ST7: variants seen among roughly 807,000 people sequenced by gnomAD.
The protein encoded by ST7 is suppressor of tumorigenicity 7 protein.
A neutral mutation model predicts 78.7 loss-of-function variants in ST7; 28 were observed. The observed-to-expected ratio is 0.36, with a 90% CI of 0.26 to 0.49. The LOEUF is 0.49. Ranked by LOEUF, ST7 falls within the 20% of genes least tolerant of loss-of-function variation. ST7 has a pLI of 0.99. For missense variants in ST7, 418 were observed against 696.0 expected, an observed-to-expected ratio of 0.60 and a Z score of 4.49; for synonymous variants, 247 against 249.6, an observed-to-expected ratio of 0.99 and a Z score of 0.10.
intron 1 of ST7, among the ~76,000 whole-genome samples, chr7:117,075,530 C>T (rs550706786): frequency 3.0e-4 from 46 of 152,340 alleles, no homozygotes; most frequent in Non-Finnish European, 5.9e-4. Flanking sequence ...ATCCACTCCT[C>T]TGGATGTCAG....
intron 13 of ST7, among the ~76,000 whole-genome samples, chr7:117,218,203 T>C (rs1792835296): frequency 6.6e-6 from 1 of 152,226 alleles, no homozygotes; most frequent in African/African-American, 2.4e-5. Context: ...GCAAGGATTG[T>C]TATCTGACAT....
chr7:117,020,782 C>A (rs1238267827), intron 1 of ST7, among the ~76,000 whole-genome samples: 1 of 152,114 alleles, frequency 6.6e-6, no homozygotes, highest in African/African-American at 2.4e-5. Flanking sequence ...GGAAGGAACT[C>A]CCCTTAACTG....
chr7:117,031,906 G>C (rs548607819), intron 1 of ST7, among the ~76,000 whole-genome samples: 55 of 138,156 alleles, frequency 4.0e-4, no homozygotes, highest in South Asian at 3.6e-3. Context: ...TTTGGCAATG[G>C]AGTCTTGCTT....
At chr7:117,185,908 G>A (rs1563150702) in intron 10 of ST7, among the ~76,000 whole-genome samples, 1 of 152,134 alleles carries the variant, frequency 6.6e-6, no homozygotes, top group Non-Finnish European at 1.5e-5. Flanking sequence ...GGGCGACAGA[G>A]CGAGACTCTG....
At chr7:117,148,363 T>C (rs10280789) in intron 9 of ST7, among the ~76,000 whole-genome samples, 10,823 of 152,270 alleles carry the variant, frequency 0.071, 523 homozygotes, top group East Asian at 0.19. Flanking sequence ...TATTGTTGTC[T>C]AAATTTTATA....
chr7:117,222,869 C>G, intron 15 of ST7: 1 of 1,613,876 alleles, frequency 6.2e-7, no homozygotes, highest in East Asian at 2.2e-5. Context: ...AGATGATTGA[C>G]ATTTTCTGCT....
At chr7:117,072,740 T>A (rs1366339481) in intron 1 of ST7, 3 of 152,198 alleles carry the variant, frequency 2.0e-5, no homozygotes, top group Non-Finnish European at 4.4e-5. Flanking sequence ...TTGAGCGAGT[T>A]TGATTTGTCA....
intron 9 of ST7, among the ~76,000 whole-genome samples, chr7:117,166,450 ATT>A (rs58969985): frequency 1.2e-3 from 178 of 145,078 alleles, no homozygotes; most frequent in East Asian, 5.0e-3. Context: ...AGTTGCTTGC[ATT>A]TTTTTTTTTT....
chr7:116,973,084 T>G (rs889316826), intron 1 of ST7, among the ~76,000 whole-genome samples: 7 of 152,054 alleles, frequency 4.6e-5, no homozygotes, highest in African/African-American at 1.7e-4. Context: ...CTTTATTTCA[T>G]TGTTCACATT....
In ST7 at chr7:117,209,924, T is replaced by C. The variant is rs761925373; in HGVS notation, c.1392T>C (p.Cys464=). ...AAGGGGCTTTGAATCTTTTGCATTG[T>C]ACGTGGGAAGGCAGTAAGTAATTTT... is the stretch of plus-strand genomic sequence containing the variant. ...RVEGALNLLH[C]TWEGTFRMIP... Residue 464 remains cysteine, a synonymous_variant, in exon 13 of 16, where the codon TGT becomes TGC. Transcript: ENST00000323984. 3.1e-6 allele frequency: 5 copies of C among 1,609,080 alleles called. No homozygotes were observed. The highest frequency in any genetic ancestry group is 4.2e-6 in the Non-Finnish European group (5 of 1,179,020).
At chr7:117,203,796 A>G (rs1811087080) in intron 12 of ST7, among the ~76,000 whole-genome samples, 1 of 152,098 alleles carries the variant, frequency 6.6e-6, no homozygotes, top group Non-Finnish European at 1.5e-5. Context: ...GGCCTGATTC[A>G]TATCCATGCC....
intron 1 of ST7, among the ~76,000 whole-genome samples, chr7:117,041,867 T>C (rs1797250424): frequency 6.6e-6 from 1 of 152,138 alleles, no homozygotes. Context: ...AGACTGATTT[T>C]AAAATATGGA....
At position 117,069,378 on chromosome 7, in the gene ST7, A is replaced by G. The variant is rs367937375; in HGVS notation, c.152-30384A>G. On this transcript the variant is annotated intron_variant, in intron 1 of 15. Coordinates refer to ENST00000323984, the MANE Select transcript of ST7 (RefSeq NM_001369598.1). Reference sequence around the variant, plus strand: ...GAATTTTAGTAAGTACATTGCAACAATGAATTTCAATGGGCATACAGTATA... The same window carrying G: ...GAATTTTAGTAAGTACATTGCAACAGTGAATTTCAATGGGCATACAGTATA... 3.9e-5 allele frequency among the ~76,000 whole-genome samples: 6 copies of G among 152,374 alleles called. 1 individual carries two copies. The highest frequency in any genetic ancestry group is 2.6e-4 in the Admixed American group (4 of 15,304).
intron 1 of ST7, among the ~76,000 whole-genome samples, chr7:116,960,034 C>T (rs1213884778): frequency 1.3e-5 from 2 of 152,166 alleles, no homozygotes; most frequent in Non-Finnish European, 2.9e-5. Context: ...TGACTTCCTG[C>T]AGTGGCTTCC....
intron 12 of ST7, among the ~76,000 whole-genome samples, chr7:117,192,675 G>T (rs973955782): frequency 6.6e-6 from 1 of 152,050 alleles, no homozygotes; most frequent in East Asian, 1.9e-4. Context: ...TTGCAATCCT[G>T]GGGCACAAGA....
chr7:117,098,956 T>C (rs1464599288), intron 1 of ST7: 4 of 615,964 alleles, frequency 6.5e-6, no homozygotes, highest in Non-Finnish European at 9.3e-6. Flanking sequence ...ATAGTGGGTA[T>C]GAACAGAGTG....
intron 1 of ST7, among the ~76,000 whole-genome samples, chr7:117,097,880 CTATATATATATATA>C (rs373598650): frequency 1.9e-4 from 2 of 10,604 alleles, no homozygotes; most frequent in African/African-American, 4.1e-4. Context: ...TGACATATCA[CTATATATATATATA>C]TATATATATA....
chr7:117,223,192 C>G (rs1793223373), intron 15 of ST7: 1 of 570,568 alleles, frequency 1.8e-6, no homozygotes, highest in Middle Eastern at 4.7e-4. Context: ...TTCACCTCTT[C>G]TTTCCCTCCT....
At chr7:117,194,534 A>T (rs930928544) in intron 12 of ST7, among the ~76,000 whole-genome samples, 32 of 152,198 alleles carry the variant, frequency 2.1e-4, no homozygotes, top group African/African-American at 7.5e-4. Context: ...AAAATTGGGG[A>T]TGTTAATGAT....
Sources: allele counts gnomAD v4.1 joint callset (sites outside exome capture counted in the v4.1 genomes callset), GRCh38; gene constraint gnomAD v4.1.1; transcripts MANE v1.5; gene names NCBI Gene and HGNC (gene_info 2026-07-23, HGNC 2026-07-21).